The following NR5A2 variants were observed in gnomAD, a reference collection of about 807,000 sequenced individuals.
The protein encoded by NR5A2 is CYP7A promoter-binding factor.
In NR5A2, 26 loss-of-function variants were observed where a neutral mutation model predicts 62.7. The observed-to-expected ratio is 0.41, with a 90% CI of 0.30 to 0.58. NR5A2 has a LOEUF of 0.58. Ranked by LOEUF, NR5A2 falls within the 20% of genes least tolerant of loss-of-function variation. NR5A2 has a pLI of 0.22. For synonymous variants in NR5A2, 246 were observed against 241.7 expected, an observed-to-expected ratio of 1.02 and a Z score of -0.16; for missense variants, 541 against 669.1, an observed-to-expected ratio of 0.81 and a Z score of 2.11.
chr1:200,150,827 T>C (rs534532721), intron 7 of NR5A2, among the ~76,000 whole-genome samples: 19 of 152,312 alleles, frequency 1.2e-4, no homozygotes, highest in Non-Finnish European at 2.6e-4. Context: ...CCATGAGTCA[T>C]AGGACTCTGG....
chr1:200,159,590 G>T (rs1239502096), intron 7 of NR5A2, among the ~76,000 whole-genome samples: 5 of 152,024 alleles, frequency 3.3e-5, no homozygotes, highest in Non-Finnish European at 5.9e-5. Flanking sequence ...TGTAGAGATT[G>T]TTGAATGCTT....
At chr1:200,059,011 G>A (rs757714714) in intron 5 of NR5A2, among the ~76,000 whole-genome samples, 1 of 151,988 alleles carries the variant, frequency 6.6e-6, no homozygotes, top group Admixed American at 6.5e-5. Flanking sequence ...TTGGGAGGCT[G>A]AGGTAGGAGA....
intron 5 of NR5A2, among the ~76,000 whole-genome samples, chr1:200,083,105 CA>C (rs1385338954): frequency 6.6e-6 from 1 of 152,016 alleles, no homozygotes; most frequent in Non-Finnish European, 1.5e-5. Flanking sequence ...TAAGGTTAAG[CA>C]AGACAATGGG....
At chr1:200,080,210 A>T (rs1434300045) in intron 5 of NR5A2, among the ~76,000 whole-genome samples, 1 of 152,188 alleles carries the variant, frequency 6.6e-6, no homozygotes, top group East Asian at 1.9e-4. Flanking sequence ...CTAATGGCTC[A>T]AATGTTACAA....
At chr1:200,129,785 C>T (rs1240949902) in intron 7 of NR5A2, among the ~76,000 whole-genome samples, 1 of 152,170 alleles carries the variant, frequency 6.6e-6, no homozygotes, top group Non-Finnish European at 1.5e-5. Context: ...TTTGCAGGAT[C>T]ACCTGATGAT....
chr1:200,078,829 C>T (rs1266503336), intron 5 of NR5A2, among the ~76,000 whole-genome samples: 1 of 152,176 alleles, frequency 6.6e-6, no homozygotes, highest in African/African-American at 2.4e-5. Context: ...TACTTAACCA[C>T]TTCTTTGACC....
rs116694473 is a variant in NR5A2, at chr1:200,141,269, A to G, written c.1378+20314A>G. On this transcript the variant is annotated intron_variant, in intron 7 of 7. Coordinates refer to ENST00000367362, the MANE Select transcript of NR5A2 (RefSeq NM_205860.3). ...TCCTTTGCGCTAGCCCTTTTATAGC[A>G]CCCACCCCTCCCTCCATTCTTAACA... is the stretch of plus-strand genomic sequence containing the variant. Among the ~76,000 whole-genome samples, 1,251 of 151,952 alleles carry G rather than the reference A, an allele frequency of 8.2e-3. 22 individuals are homozygous for G. Among genetic ancestry groups the G allele is most frequent in the African/African-American group, 0.029 (1,189 of 41,422 alleles).
chr1:200,154,838 C>T (rs12086329), intron 7 of NR5A2, among the ~76,000 whole-genome samples: 63 of 152,352 alleles, frequency 4.1e-4, no homozygotes, highest in African/African-American at 1.4e-3. Context: ...TGACTGCTAT[C>T]TACCCACGTC....
At chr1:200,158,363 G>T (rs1303978339) in intron 7 of NR5A2, among the ~76,000 whole-genome samples, 1 of 151,800 alleles carries the variant, frequency 6.6e-6, no homozygotes, top group Non-Finnish European at 1.5e-5. Context: ...AGATGCAAGG[G>T]GTTTAATAAA....
intron 5 of NR5A2, among the ~76,000 whole-genome samples, chr1:200,093,199 C>A (rs908780299): frequency 6.6e-6 from 1 of 152,124 alleles, no homozygotes; most frequent in Non-Finnish European, 1.5e-5. Context: ...CCACCACACC[C>A]GGCCAACATA....
chr1:200,097,473 T>C (rs1199506053), intron 5 of NR5A2, among the ~76,000 whole-genome samples: 2 of 152,242 alleles, frequency 1.3e-5, no homozygotes, highest in Admixed American at 1.3e-4. Flanking sequence ...GAAAAAGAAA[T>C]TCAATACTTT....
chr1:200,174,051 C>T lies in NR5A2; in HGVS notation c.1467C>T (p.Tyr489=). Residue 489 remains tyrosine (Y), a synonymous_variant, in exon 8 of 8, where the codon TAC becomes TAT. Coordinates refer to ENST00000367362, the MANE Select transcript of NR5A2 (RefSeq NM_205860.3). ...AALLDYTMCN[Y]PQQTEKFGQL... ...TGCTGGACTACACAATGTGTAACTACCCGCAGCAGACAGAGAAATTTGGAC... is the reference window on the plus strand; with the variant it reads ...TGCTGGACTACACAATGTGTAACTATCCGCAGCAGACAGAGAAATTTGGAC... 6.2e-7 allele frequency: 1 copy of T among 1,613,062 alleles called. No homozygotes were observed.
intron 7 of NR5A2, among the ~76,000 whole-genome samples, chr1:200,162,141 A>T (rs889396290): frequency 6.6e-6 from 1 of 152,210 alleles, no homozygotes; most frequent in African/African-American, 2.4e-5. Context: ...CTTTGTCCAG[A>T]CATTATGCTA....
chr1:200,098,141 G>T lies in NR5A2; in HGVS notation c.1111-13061G>T, dbSNP rs544258091. Among the ~76,000 whole-genome samples, 20 of 152,274 alleles carry T rather than the reference G, an allele frequency of 1.3e-4. No homozygotes were observed. In the South Asian group the frequency reaches 4.1e-3, roughly 32 times the overall value. On this transcript the variant is annotated intron_variant, in intron 5 of 7. Transcript: ENST00000367362. ...TGCCCATACTCCACCCTGCCGAGCT[G>T]TAAGCAATTGTAAGAGGGGCCACTG...
chr1:200,050,396 G>A (rs1662572747), intron 5 of NR5A2, among the ~76,000 whole-genome samples: 1 of 152,186 alleles, frequency 6.6e-6, no homozygotes, highest in Non-Finnish European at 1.5e-5. Context: ...TTCATAGGCA[G>A]GTTGTTAGAT....
chr1:200,146,052 A>T (rs918341317), intron 7 of NR5A2, among the ~76,000 whole-genome samples: 5 of 152,204 alleles, frequency 3.3e-5, no homozygotes, highest in Non-Finnish European at 5.9e-5. Flanking sequence ...CTTTAATAAA[A>T]ATTAAAATGT....
intron 7 of NR5A2, among the ~76,000 whole-genome samples, chr1:200,123,157 C>T (rs1188780831): frequency 6.6e-6 from 1 of 152,132 alleles, no homozygotes; most frequent in African/African-American, 2.4e-5. Context: ...TGTCTCAGCC[C>T]AGCCTTGAGA....
chr1:200,125,729 A>C (rs1571519711), intron 7 of NR5A2, among the ~76,000 whole-genome samples: 1 of 152,222 alleles, frequency 6.6e-6, no homozygotes, highest in African/African-American at 2.4e-5. Context: ...AAGTACTATA[A>C]TGTCTCAGAA....
chr1:200,077,469 A>AT (rs1664093820), intron 5 of NR5A2, among the ~76,000 whole-genome samples: 1 of 152,204 alleles, frequency 6.6e-6, no homozygotes, highest in African/African-American at 2.4e-5. Flanking sequence ...ATCCCAGCAC[A>AT]TTGGGAGGCC....
Sources: allele counts gnomAD v4.1 joint callset (sites outside exome capture counted in the v4.1 genomes callset), GRCh38; gene constraint gnomAD v4.1.1; transcripts MANE v1.5; gene names NCBI Gene and HGNC (gene_info 2026-07-23, HGNC 2026-07-21).